The following TMCO6 variants were observed in gnomAD, a reference collection of about 807,000 sequenced individuals.
TMCO6 encodes transmembrane and coiled-coil domains 6.
TMCO6 carries 47 observed loss-of-function variants against 61.8 expected under a neutral mutation model. That is an observed-to-expected ratio of 0.76 (90% CI 0.60 to 0.97). TMCO6 has a LOEUF of 0.97. TMCO6 is among the 50% of genes least tolerant of loss of function. The probability of loss-of-function intolerance (pLI) is 0.00; values close to 1 mark genes in which losing one functional copy is unlikely to be tolerated. For synonymous variants in TMCO6, 261 were observed against 254.2 expected, an observed-to-expected ratio of 1.03 and a Z score of -0.25; for missense variants, 557 against 601.6, an observed-to-expected ratio of 0.93 and a Z score of 0.78.
At chr5:140,614,178 C>T in the TMCO6 span, among the ~76,000 whole-genome samples, 1 of 150,798 alleles carries the variant, frequency 6.6e-6, no homozygotes, top group Non-Finnish European at 1.5e-5. Context: ...GGATTACAGG[C>T]GTGAGCCACT....
At chr5:140,609,485 G>C in the TMCO6 span, 3 of 162,558 alleles carry the variant, frequency 1.8e-5, no homozygotes, top group Non-Finnish European at 4.0e-5. Context: ...CCTGGCATTG[G>C]AAAGGAGGGG....
At chr5:140,608,532 G>A in the TMCO6 span, among the ~76,000 whole-genome samples, 1 of 151,976 alleles carries the variant, frequency 6.6e-6, no homozygotes, top group South Asian at 2.1e-4. Flanking sequence ...TATTTATTTT[G>A]TTGCTCAGGC....
the TMCO6 span, among the ~76,000 whole-genome samples, chr5:140,606,488 T>C: frequency 1.3e-5 from 2 of 152,232 alleles, no homozygotes; most frequent in African/African-American, 4.8e-5. Flanking sequence ...ATTTTTTCCA[T>C]TCCTTATTTT....
Position 140,644,124 on chromosome 5 carries a change from C to T in TMCO6, c.1130C>T (p.Ser377Phe), listed in dbSNP as rs1241961918. Residue 377 changes from serine (S) to phenylalanine (F), a missense_variant, in exon 10 of 12, where the codon TCC becomes TTC. Ser to Phe is a radical substitution (Grantham distance 155). Coordinates refer to ENST00000394671, the MANE Select transcript of TMCO6 (RefSeq NM_018502.5). The stretch of plus-strand genomic sequence containing the variant: ...GCAAACAGTCCTAGTTTCTGTACCT[C>T]CTTGCTCTCCCTGGATCTGATTGAG... ...LTANSPSFCTSLLSLDLIEPL... is the reference protein window; with the variant it reads ...LTANSPSFCTFLLSLDLIEPL... The T allele has an allele frequency of 6.2e-7, 1 of 1,614,206 alleles. No homozygotes were observed. Among genetic ancestry groups the T allele is most frequent in the Non-Finnish European group, 8.5e-7 (1 of 1,180,036 alleles).
downstream of TMCO6, chr5:140,645,736 A>G: frequency 1.2e-6 from 2 of 1,612,442 alleles, no homozygotes; most frequent in East Asian, 2.2e-5. Flanking sequence ...CTACCAAAGT[A>G]AAATAAAAGA....
the TMCO6 span, among the ~76,000 whole-genome samples, chr5:140,606,132 C>CCCTT: frequency 0.34 from 41,505 of 123,522 alleles, 7,911 homozygotes; most frequent in African/African-American, 0.52. Context: ...TTTCCTTTTC[C>CCCTT]CCTTCCTTCC....
chr5:140,622,518 G>A, the TMCO6 span, among the ~76,000 whole-genome samples: 1 of 152,170 alleles, frequency 6.6e-6, no homozygotes, highest in Non-Finnish European at 1.5e-5. Context: ...TTTTCAAGCT[G>A]CTGTTGCTTC....
chr5:140,599,863 G>A, the TMCO6 span, among the ~76,000 whole-genome samples: 45,379 of 151,862 alleles, frequency 0.3, 6,986 homozygotes, highest in African/African-American at 0.31. Context: ...AGCCAAGATC[G>A]CAACACTGCA....
At chr5:140,609,455 TG>T in the TMCO6 span, 1 of 179,180 alleles carries the variant, frequency 5.6e-6, no homozygotes, top group Non-Finnish European at 1.2e-5. Flanking sequence ...ATGGAACTTG[TG>T]GTCCTCCTCA....
At chr5:140,645,815 G>A (rs1581473781), downstream of TMCO6, 10 of 1,418,194 alleles carry the variant, frequency 7.1e-6, no homozygotes, top group Middle Eastern at 1.9e-4. Flanking sequence ...AATACATTTG[G>A]TATGCCTAGA....
intron 2 of TMCO6, 101 bp downstream of exon 2, chr5:140,639,952 C>T: frequency 1.1e-6 from 1 of 934,186 alleles, no homozygotes; most frequent in Non-Finnish European, 1.7e-6. Flanking sequence ...ATCCACTCTA[C>T]ACTTCCACGC....
upstream of TMCO6, chr5:140,639,423 G>A (rs755117879): frequency 8.2e-7 from 1 of 1,221,414 alleles, no homozygotes. Context: ...CGCCCTCCCC[G>A]CCTGTTCCCG....
chr5:140,629,749 C>A, the TMCO6 span, among the ~76,000 whole-genome samples: 1 of 152,016 alleles, frequency 6.6e-6, no homozygotes, highest in Non-Finnish European at 1.5e-5. Context: ...GCCTGACCAA[C>A]ACGGAGAAAC....
chr5:140,603,097 C>G, the TMCO6 span, among the ~76,000 whole-genome samples: 2 of 152,020 alleles, frequency 1.3e-5, no homozygotes, highest in Admixed American at 1.3e-4. Context: ...TCACTTCTTT[C>G]TAGTTTCAAA....
Position 140,639,462 on chromosome 5 carries a change from C to A in TMCO6, c.-66C>A. On this transcript the variant is annotated 5_prime_UTR_variant, in exon 1 of 12. Coordinates refer to ENST00000394671, the MANE Select transcript of TMCO6 (RefSeq NM_018502.5). ...TGTGCTGAGGCTGCGCAGTCGGTGC[C>A]ATCTTCTACGCCCCTGGGAGCGTTG... 4 of 1,484,196 alleles carry A rather than the reference C, an allele frequency of 2.7e-6. No homozygotes were observed. The highest frequency in any genetic ancestry group is 3.7e-6 in the Non-Finnish European group (4 of 1,088,678). 91.9% of individuals were successfully genotyped at this position (1,484,196 alleles called of 1,614,324 possible).
At chr5:140,632,555 T>C in the TMCO6 span, 4 of 1,613,972 alleles carry the variant, frequency 2.5e-6, no homozygotes, top group African/African-American at 5.3e-5. The surrounding 1 kb of genome is among the most constrained non-coding windows in gnomAD (Gnocchi z 6.2). Flanking sequence ...AGCTGGAAAG[T>C]GCAAGTCCTG....
At chr5:140,632,803 C>T in the TMCO6 span, 21 of 1,613,696 alleles carry the variant, frequency 1.3e-5, no homozygotes, top group South Asian at 1.5e-4. The surrounding 1 kb of genome is among the most constrained non-coding windows in gnomAD (Gnocchi z 6.2). Flanking sequence ...AGACCGCCGG[C>T]ATGGATCTCC....
chr5:140,613,209 T>C, the TMCO6 span, among the ~76,000 whole-genome samples: 1 of 151,950 alleles, frequency 6.6e-6, no homozygotes, highest in Non-Finnish European at 1.5e-5. Context: ...GCCAACATGG[T>C]GAAACCCTGT....
At chr5:140,632,175 G>C in the TMCO6 span, 1 of 1,613,876 alleles carries the variant, frequency 6.2e-7, no homozygotes, top group South Asian at 1.1e-5. The surrounding 1 kb of genome is among the most constrained non-coding windows in gnomAD (Gnocchi z 6.2). Context: ...CATGCATCTC[G>C]GAGCGCTAGG....
Sources: allele counts gnomAD v4.1 joint callset (sites outside exome capture counted in the v4.1 genomes callset), GRCh38; gene constraint gnomAD v4.1.1; non-coding constraint Gnocchi (gnomAD v3.1); transcripts MANE v1.5; gene names NCBI Gene and HGNC (gene_info 2026-07-23, HGNC 2026-07-21).